The following PDE1C variants were observed in gnomAD, a reference collection of about 807,000 sequenced individuals.
PDE1C encodes the protein phosphodiesterase 1C.
A neutral mutation model predicts 93.1 loss-of-function variants in PDE1C; 62 were observed. That is an observed-to-expected ratio of 0.67 (90% confidence interval 0.54 to 0.82). PDE1C has a LOEUF of 0.82. Ranked by LOEUF, PDE1C falls within the 40% of genes least tolerant of loss-of-function variation. PDE1C has a pLI of 0.00. For missense variants in PDE1C, 742 were observed against 884.6 expected, an observed-to-expected ratio of 0.84 and a Z score of 2.04; for synonymous variants, 325 against 310.1, an observed-to-expected ratio of 1.05 and a Z score of -0.50.
intron 2 of PDE1C, among the ~76,000 whole-genome samples, chr7:31,979,341 A>G (rs1812087507): frequency 6.6e-6 from 1 of 152,214 alleles, no homozygotes; most frequent in South Asian, 2.1e-4. Context: ...CTAAAATGGA[A>G]TAAAAATCAC....
intron 1 of PDE1C, among the ~76,000 whole-genome samples, chr7:32,344,561 C>T (rs1181795672): frequency 6.6e-6 from 1 of 152,096 alleles, no homozygotes; most frequent in Middle Eastern, 3.2e-3. Context: ...TGAGGCCTCT[C>T]CCTTTGTTTT....
intron 1 of PDE1C, among the ~76,000 whole-genome samples, chr7:32,318,542 G>A (rs973922561): frequency 3.3e-5 from 5 of 152,192 alleles, no homozygotes; most frequent in Non-Finnish European, 7.3e-5. Flanking sequence ...AAAAGGGTGT[G>A]GTGGCCAGGG....
At chr7:32,079,110 T>G (rs1369816803) in intron 3 of PDE1C, among the ~76,000 whole-genome samples, 3 of 152,220 alleles carry the variant, frequency 2.0e-5, no homozygotes, top group African/African-American at 7.2e-5. Flanking sequence ...ACAGATTCTT[T>G]TCTCTGTATC....
chr7:32,088,357 A>G (rs1797253279), intron 3 of PDE1C, among the ~76,000 whole-genome samples: 1 of 152,230 alleles, frequency 6.6e-6, no homozygotes, highest in Admixed American at 6.5e-5. Flanking sequence ...GTACACTTGA[A>G]GGCATGATTC....
chr7:31,645,778 C>T, the PDE1C span, among the ~76,000 whole-genome samples: 1 of 152,136 alleles, frequency 6.6e-6, no homozygotes, highest in Non-Finnish European at 1.5e-5. Flanking sequence ...TTGCTACTGG[C>T]AACAAGTGGG....
the PDE1C span, among the ~76,000 whole-genome samples, chr7:31,745,696 G>A: frequency 9.2e-5 from 14 of 152,276 alleles, 1 homozygote; most frequent in South Asian, 2.1e-3. Flanking sequence ...AATGAGAATA[G>A]ACCTGGCTCA....
the PDE1C span, among the ~76,000 whole-genome samples, chr7:31,678,914 T>C: frequency 1.8e-3 from 268 of 152,256 alleles, 1 homozygote; most frequent in Middle Eastern, 6.8e-3. Context: ...TTGTTACAGA[T>C]ATGCAAAATT....
At chr7:31,709,941 G>T in the PDE1C span, among the ~76,000 whole-genome samples, 1 of 152,128 alleles carries the variant, frequency 6.6e-6, no homozygotes, top group Non-Finnish European at 1.5e-5. Flanking sequence ...CTTGAACCCA[G>T]GAGCTCCAGA....
At chr7:31,878,147 C>T in intron 4 of PDE1C, 111 bp from the exon 5 acceptor site, 1 of 662,394 alleles carries the variant, frequency 1.5e-6, no homozygotes, top group Non-Finnish European at 2.6e-6. Context: ...TGGGGTGATC[C>T]AAAGAACCTA....
the PDE1C span, among the ~76,000 whole-genome samples, chr7:31,698,830 G>A: frequency 1.3e-5 from 2 of 152,236 alleles, no homozygotes; most frequent in Admixed American, 1.3e-4. Flanking sequence ...CCGAGGAAGA[G>A]ATATTTAAGC....
intron 1 of PDE1C, among the ~76,000 whole-genome samples, chr7:32,308,276 G>A (rs1047073566): frequency 2.6e-5 from 4 of 152,252 alleles, no homozygotes; most frequent in African/African-American, 9.6e-5. Flanking sequence ...AAGGAGGCCT[G>A]CCTGCCTCTG....
rs531567007 is a variant in PDE1C at position 32,347,206 on chromosome 7, G to T, written c.310+80616C>A. ...GAAACCCCTCAGTCTACACCCAAGG[G>T]AACACGATTAGCCATGAGACTGAGA... On this transcript the variant is annotated intron_variant, in intron 1 of 1. Coordinates refer to the PDE1C transcript ENST00000672256. Among the ~76,000 whole-genome samples, 7 of 152,246 alleles carry T rather than the reference G, an allele frequency of 4.6e-5. No homozygotes were observed. In the South Asian group the frequency reaches 1.5e-3, roughly 32 times the overall value.
chr7:32,424,055 T>C (rs1785483962), intron 1 of PDE1C, among the ~76,000 whole-genome samples: 1 of 152,232 alleles, frequency 6.6e-6, no homozygotes, highest in South Asian at 2.1e-4. Context: ...TACTTGTTTG[T>C]TCTGAGGTAA....
chr7:31,654,803 C>G, the PDE1C span, among the ~76,000 whole-genome samples: 1 of 152,174 alleles, frequency 6.6e-6, no homozygotes, highest in African/African-American at 2.4e-5. Context: ...GGAGAGGTCA[C>G]TTCTTAGCAA....
At chr7:32,081,891 C>G (rs568855537) in intron 3 of PDE1C, among the ~76,000 whole-genome samples, 2 of 152,286 alleles carry the variant, frequency 1.3e-5, no homozygotes, top group East Asian at 3.9e-4. Flanking sequence ...CAGAAGACAG[C>G]CAAATAGGAA....
At chr7:31,641,503 T>C in the PDE1C span, among the ~76,000 whole-genome samples, 1 of 152,204 alleles carries the variant, frequency 6.6e-6, no homozygotes, top group Admixed American at 6.5e-5. Flanking sequence ...ATTTAATCTT[T>C]AGCATGGTGA....
intron 2 of PDE1C, among the ~76,000 whole-genome samples, chr7:31,910,871 G>A (rs1019557018): frequency 6.6e-6 from 1 of 152,280 alleles, no homozygotes; most frequent in Admixed American, 6.5e-5. Context: ...CACCAGAAGA[G>A]TGTTTGCAAT....
chr7:31,953,555 C>G (rs960703276), intron 2 of PDE1C, among the ~76,000 whole-genome samples: 1 of 152,142 alleles, frequency 6.6e-6, no homozygotes, highest in Admixed American at 6.5e-5. Flanking sequence ...TGGATTTCCT[C>G]TATAAAATCA....
At chr7:31,642,873 G>C in the PDE1C span, 8 of 1,614,034 alleles carry the variant, frequency 5.0e-6, no homozygotes, top group Non-Finnish European at 6.8e-6. Context: ...CAGTATCTGT[G>C]ATGGAGGAAG....
Sources: gnomAD v4.1 joint callset for allele counts (sites outside exome capture counted in the v4.1 genomes callset) on GRCh38, gnomAD v4.1.1 for gene constraint, MANE v1.5 for transcripts, NCBI Gene and HGNC (gene_info 2026-07-23, HGNC 2026-07-21) for gene names.